Variants in FAM47E observed in about 807,000 individuals in gnomAD.
FAM47E encodes the protein family with sequence similarity 47 member E.
In FAM47E, 32 loss-of-function variants were observed where a neutral mutation model predicts 41.6. The ratio of observed to expected loss-of-function variants is 0.77; its 90% confidence interval spans 0.58 to 1.03. The LOEUF (loss-of-function observed/expected upper bound fraction) is 1.03. FAM47E is among the 50% of genes least tolerant of loss of function. The pLI, the probability that FAM47E is intolerant of heterozygous loss-of-function variation, is 0.00. For missense variants in FAM47E, 424 were observed against 485.4 expected (o/e 0.87, Z 1.19); for synonymous variants, 184 against 188.7 (o/e 0.98, Z 0.20).
At chr4:76,220,167 C>T (rs1733283648) in intron 2 of FAM47E, among the ~76,000 whole-genome samples, 1 of 152,074 alleles carries the variant, frequency 6.6e-6, no homozygotes, top group Non-Finnish European at 1.5e-5. Context: ...GTATATAACC[C>T]CCAAAATTGA....
chr4:76,234,085 T>A (rs1441881918), intron 2 of FAM47E, among the ~76,000 whole-genome samples: 2 of 152,156 alleles, frequency 1.3e-5, no homozygotes, highest in Non-Finnish European at 2.9e-5. Flanking sequence ...ACCAGCCAGC[T>A]GCCCGCGGCA....
At chr4:76,263,296 G>A (rs896849687) in intron 2 of FAM47E, among the ~76,000 whole-genome samples, 3 of 152,110 alleles carry the variant, frequency 2.0e-5, no homozygotes, top group African/African-American at 7.2e-5. Context: ...TATGTATATT[G>A]TTATTGCCTA....
intron 2 of FAM47E, among the ~76,000 whole-genome samples, chr4:76,241,368 A>T (rs1170454409): frequency 6.6e-6 from 1 of 151,888 alleles, no homozygotes; most frequent in Non-Finnish European, 1.5e-5. Flanking sequence ...AATGGGGGGG[A>T]AGGTGCAACA....
upstream of FAM47E, chr4:76,251,582 C>A: frequency 7.7e-7 from 1 of 1,293,744 alleles, no homozygotes; most frequent in Non-Finnish European, 9.9e-7. Flanking sequence ...GGTCCACGTC[C>A]CCAGGCGTCG....
chr4:76,220,293 G>A (rs1181795149), intron 2 of FAM47E, among the ~76,000 whole-genome samples: 4 of 152,130 alleles, frequency 2.6e-5, no homozygotes, highest in Non-Finnish European at 5.9e-5. Flanking sequence ...CACAAAATAT[G>A]TTATAGACAT....
At chr4:76,217,702 A>C (rs1402253216) in intron 2 of FAM47E, 2 of 580,516 alleles carry the variant, frequency 3.4e-6, no homozygotes, top group Non-Finnish European at 6.2e-6. Flanking sequence ...TTGTTATAGC[A>C]ACACAAACAG....
At chr4:76,216,838 TA>T (rs1195522416) in intron 1 of FAM47E, among the ~76,000 whole-genome samples, 1 of 152,238 alleles carries the variant, frequency 6.6e-6, no homozygotes, top group Non-Finnish European at 1.5e-5. Flanking sequence ...AAAAAGGACC[TA>T]ATTACAGAAA....
chr4:76,220,635 T>G lies in FAM47E; in HGVS notation c.81+2947T>G, dbSNP rs918861162. 2.6e-5 allele frequency among the ~76,000 whole-genome samples: 4 copies of G among 152,316 alleles called. No individual in the cohort carries two copies. In the East Asian group the frequency reaches 7.7e-4, roughly 29 times the overall value. On this transcript the variant is annotated intron_variant, in intron 2 of 7. Transcript: ENST00000510197. ...TAGATCCTGTCTCTTAAAGAAAGAATGAAGTCCTGATACATGCTACTACAG... is the reference window on the plus strand; with the variant it reads ...TAGATCCTGTCTCTTAAAGAAAGAAGGAAGTCCTGATACATGCTACTACAG...
chr4:76,245,249 G>A (rs547903364), intron 2 of FAM47E, among the ~76,000 whole-genome samples: 1 of 152,292 alleles, frequency 6.6e-6, no homozygotes, highest in East Asian at 1.9e-4. Context: ...CTCTAAGTGT[G>A]TAAAACTAAG....
intron 2 of FAM47E, among the ~76,000 whole-genome samples, chr4:76,223,656 G>C (rs1261871927): frequency 1.6e-4 from 24 of 152,164 alleles, no homozygotes; most frequent in Admixed American, 1.6e-3. Flanking sequence ...ATTTGCATTT[G>C]AACAAGAACA....
intron 5 of FAM47E, among the ~76,000 whole-genome samples, chr4:76,276,070 C>CACACACA (rs1452874811): frequency 0.13 from 18,493 of 141,550 alleles, 1,537 homozygotes; most frequent in Non-Finnish European, 0.18. Context: ...ACACACACAC[C>CACACACA]CCTCCCCTAC....
intron 4 of FAM47E, among the ~76,000 whole-genome samples, chr4:76,270,537 C>A (rs1274564621): frequency 6.6e-6 from 1 of 152,154 alleles, no homozygotes. Flanking sequence ...GCCCACTATG[C>A]CTAGTATCCA....
chr4:76,266,008 T>A (rs773194326), intron 3 of FAM47E, among the ~76,000 whole-genome samples: 24 of 152,230 alleles, frequency 1.6e-4, no homozygotes, highest in Non-Finnish European at 3.1e-4. Context: ...TGACCTGACC[T>A]TAGTCAAGGT....
chr4:76,235,312 C>T (rs930837727), intron 2 of FAM47E, among the ~76,000 whole-genome samples: 1 of 151,858 alleles, frequency 6.6e-6, no homozygotes, highest in Admixed American at 6.6e-5. Flanking sequence ...AGCGAGACTC[C>T]GTCTCAAAAA....
chr4:76,228,220 G>A (rs1298257692), intron 2 of FAM47E, among the ~76,000 whole-genome samples: 1 of 152,078 alleles, frequency 6.6e-6, no homozygotes, highest in Admixed American at 6.5e-5. Context: ...GCTCACACCT[G>A]TAATCCCAGC....
intron 3 of FAM47E, among the ~76,000 whole-genome samples, chr4:76,265,830 G>T (rs1039278320): frequency 1.3e-5 from 2 of 152,166 alleles, no homozygotes; most frequent in African/African-American, 4.8e-5. Context: ...ATGAACCTCC[G>T]GGTTGATGGA....
rs1298678584 is a variant in FAM47E at position 76,277,509 on chromosome 4, GA to G, written c.871-550del. 1.0e-3 allele frequency among the ~76,000 whole-genome samples: 138 copies of G among 135,922 alleles called. No individual in the cohort carries two copies. The East Asian group carries it at 0.014, about 14-fold the overall frequency. The allele number at this position is 135,922 out of a possible 152,430, so 89.2% of individuals were successfully genotyped here. On this transcript the variant is annotated intron_variant, in intron 5 of 7. Coordinates refer to ENST00000424749, the MANE Select transcript of FAM47E (RefSeq NM_001136570.3). ...CGTCTCAAAAAAAAAGAAAGAAAAA[GA>G]AAAAAAAAAGGCAAAAGCTTGGTGT... is the stretch of plus-strand genomic sequence containing the variant.
Position 76,266,849 on chromosome 4 carries a change from A to C in FAM47E, c.561-1811A>C, listed in dbSNP as rs577858592. 7.2e-5 allele frequency among the ~76,000 whole-genome samples: 11 copies of C among 152,320 alleles called. No homozygotes were observed. The South Asian group carries it at 2.1e-3, about 29-fold the overall frequency. ...GACTTTGTGTTCTTTGGACATGCTC[A>C]GCACACTCCCAGCTCAGCTCTTTGC... is the stretch of plus-strand genomic sequence containing the variant. On this transcript the variant is annotated intron_variant, in intron 3 of 7. Coordinates refer to ENST00000424749, the MANE Select transcript of FAM47E (RefSeq NM_001136570.3).
intron 7 of FAM47E, chr4:76,281,498 A>G (rs1417986030): frequency 6.6e-6 from 1 of 151,400 alleles, no homozygotes; most frequent in Non-Finnish European, 1.5e-5. Context: ...AATATAAAAT[A>G]TGCATCTATA....
Sources: allele counts gnomAD v4.1 joint callset (sites outside exome capture counted in the v4.1 genomes callset), GRCh38; gene constraint gnomAD v4.1.1; transcripts MANE v1.5; gene names NCBI Gene and HGNC (gene_info 2026-07-23, HGNC 2026-07-21).